The following PAM variants were observed in gnomAD, a reference collection of about 807,000 sequenced individuals.
PAM encodes peptidylglycine alpha-amidating monooxygenase.
Under a neutral mutation model 122.1 loss-of-function variants are expected in PAM, and 72 were observed. That is an observed-to-expected ratio of 0.59 (90% CI 0.49 to 0.72). The LOEUF is 0.72. Ranked by LOEUF, PAM falls within the 30% of genes least tolerant of loss-of-function variation. The probability of loss-of-function intolerance (pLI) is 0.00; values close to 1 mark genes in which losing one functional copy is unlikely to be tolerated. For missense variants in PAM, 1,106 were observed against 1,183.7 expected (o/e 0.93, Z 0.96); for synonymous variants, 389 against 404.4 (o/e 0.96, Z 0.46).
At position 102,900,094 on chromosome 5, in the gene PAM, A is replaced by G. The variant is rs549956741; in HGVS notation, c.211-1262A>G. On this transcript the variant is annotated intron_variant, in intron 3 of 25. Transcript: ENST00000438793. ...GCAAGCTTTCTGAAGTAACTGCTCT[A>G]AGAGAGGGTTTATGCTTGTTACCAG... 2.6e-5 allele frequency among the ~76,000 whole-genome samples: 4 copies of G among 151,590 alleles called. No homozygotes were observed. In the South Asian group the frequency reaches 6.2e-4, roughly 24 times the overall value.
chr5:102,986,959 A>G (rs1196985377), intron 15 of PAM, among the ~76,000 whole-genome samples: 4 of 152,160 alleles, frequency 2.6e-5, no homozygotes, highest in African/African-American at 4.8e-5. Flanking sequence ...CTTTTTCTTT[A>G]TAAATTACCC....
In PAM at chr5:102,854,101, G is replaced by A. The variant is rs151095453; in HGVS notation, c.-373-11722G>A. 2.8e-3 allele frequency among the ~76,000 whole-genome samples: 430 copies of A among 152,244 alleles called. 2 individuals are homozygous for A. Among genetic ancestry groups the A allele is most frequent in the African/African-American group, 9.3e-3 (386 of 41,540 alleles). ...CAACATGATGTGCAACACGTTCCTTGACTTCTGTGCCTCTATTTGCTCATC... is the reference window on the plus strand; with the variant it reads ...CAACATGATGTGCAACACGTTCCTTAACTTCTGTGCCTCTATTTGCTCATC... On this transcript the variant is annotated intron_variant, in intron 1 of 25. Coordinates refer to ENST00000438793, the MANE Select transcript of PAM (RefSeq NM_001177306.2).
At chr5:102,925,071 T>C (rs749543332) in intron 6 of PAM, 29 bp downstream of exon 6, 1 of 1,040,644 alleles carries the variant, frequency 9.6e-7, no homozygotes, top group Non-Finnish European at 1.5e-6. Context: ...GGTGGTCTTA[T>C]GTTCAGCTGC....
intron 1 of PAM, among the ~76,000 whole-genome samples, chr5:102,819,437 TTA>T (rs1265608768): frequency 1.3e-5 from 2 of 151,798 alleles, no homozygotes; most frequent in African/African-American, 4.8e-5. Context: ...ATTTATATAT[TTA>T]TATATGTTTA....
chr5:102,823,022 G>C (rs1772475747), intron 1 of PAM, among the ~76,000 whole-genome samples: 1 of 152,074 alleles, frequency 6.6e-6, no homozygotes, highest in Non-Finnish European at 1.5e-5. Context: ...TGGAAAATAA[G>C]TTTTATTTCG....
At chr5:102,925,659 T>G (rs1211575418) in intron 6 of PAM, among the ~76,000 whole-genome samples, 1 of 152,164 alleles carries the variant, frequency 6.6e-6, no homozygotes, top group African/African-American at 2.4e-5. Flanking sequence ...TCTGATTTCT[T>G]GCACTTCAAA....
chr5:103,028,640 G>T (rs904886588), intron 25 of PAM, among the ~76,000 whole-genome samples: 4 of 152,148 alleles, frequency 2.6e-5, no homozygotes, highest in African/African-American at 9.7e-5. Context: ...AAAGCAGGAG[G>T]TGAAAGTGAA....
At chr5:102,782,014 G>A (rs568563120) in intron 1 of PAM, among the ~76,000 whole-genome samples, 3 of 152,304 alleles carry the variant, frequency 2.0e-5, no homozygotes, top group East Asian at 1.9e-4. Flanking sequence ...GTCCACATCC[G>A]TGTTCTTGTC....
chr5:102,867,000 T>TA (rs1195296900), intron 2 of PAM, among the ~76,000 whole-genome samples: 1 of 152,210 alleles, frequency 6.6e-6, no homozygotes, highest in African/African-American at 2.4e-5. Context: ...AAATTTTCAA[T>TA]AAAAACAAGT....
chr5:102,919,790 C>T (rs966053058), intron 5 of PAM, among the ~76,000 whole-genome samples: 1 of 152,096 alleles, frequency 6.6e-6, no homozygotes, highest in African/African-American at 2.4e-5. Flanking sequence ...GTCTCTGATT[C>T]TAACTTCCAG....
intron 1 of PAM, among the ~76,000 whole-genome samples, chr5:102,756,098 G>A (rs764067219): frequency 6.6e-6 from 1 of 152,174 alleles, no homozygotes; most frequent in African/African-American, 2.4e-5. Context: ...ATATGCGTCA[G>A]CTCTGCCTGC....
intron 1 of PAM, among the ~76,000 whole-genome samples, chr5:102,810,906 G>A (rs918994190): frequency 3.3e-5 from 5 of 152,196 alleles, no homozygotes; most frequent in South Asian, 2.1e-4. Flanking sequence ...CATGGACTTG[G>A]AAATAAACAT....
rs1766890794 is a variant in PAM at position 102,974,304 on chromosome 5, G to A, written c.1351G>A (p.Ala451Thr). ...REGAEHERGN[A>T]ILVRDRIHKF... is the part of the protein sequence containing the mutation. Reference sequence around the variant, plus strand: ...GGGTGCAGAACATGAGAGGGGTAATGCTATTCTTGTCAGAGACAGAATTCA... The same window carrying A: ...GGGTGCAGAACATGAGAGGGGTAATACTATTCTTGTCAGAGACAGAATTCA... Residue 451 changes from alanine to threonine, a missense_variant, in exon 15 of 26, where the codon GCT becomes ACT. Ala to Thr is a moderately conservative substitution (Grantham distance 58, BLOSUM62 0). This residue lies in a region of PAM where 670 missense variants were observed against 690.3 expected (regional missense o/e 0.97). Transcript: ENST00000438793. 1.2e-6 allele frequency: 2 copies of A among 1,613,886 alleles called. No homozygotes were observed. Among genetic ancestry groups the A allele is most frequent in the African/African-American group, 1.3e-5 (1 of 74,912 alleles).
intron 4 of PAM, among the ~76,000 whole-genome samples, chr5:102,902,941 T>C (rs1798424117): frequency 6.6e-6 from 1 of 151,510 alleles, no homozygotes; most frequent in Non-Finnish European, 1.5e-5. Flanking sequence ...TATAAATATA[T>C]ATCCTGTGTG....
At chr5:102,882,054 T>C (rs1269699174) in intron 3 of PAM, among the ~76,000 whole-genome samples, 1 of 1,646 alleles carries the variant, frequency 6.1e-4, no homozygotes, top group Admixed American at 4.6e-3. Flanking sequence ...CATCGTGGAA[T>C]ATATATATAT....
chr5:103,017,557 G>A (rs1370652347), intron 22 of PAM, 124 bp downstream of exon 22: 3 of 670,922 alleles, frequency 4.5e-6, no homozygotes, highest in South Asian at 2.0e-5. Flanking sequence ...AAAGTATAAA[G>A]CAGTTGTTAA....
At chr5:102,939,704 A>G (rs1427721555) in intron 7 of PAM, among the ~76,000 whole-genome samples, 1 of 152,128 alleles carries the variant, frequency 6.6e-6, no homozygotes, top group African/African-American at 2.4e-5. Context: ...ATACTAAATC[A>G]AATGTATGAG....
chr5:103,030,582 G>C (rs1562304619), downstream of PAM: 1 of 152,106 alleles, frequency 6.6e-6, no homozygotes, highest in Admixed American at 6.5e-5. Flanking sequence ...TGCCAACCTG[G>C]GTTAATTAAA....
chr5:102,988,635 AAAG>A (rs200819921), intron 15 of PAM, among the ~76,000 whole-genome samples: 360 of 143,192 alleles, frequency 2.5e-3, no homozygotes, highest in African/African-American at 7.8e-3. Flanking sequence ...AAGGGAAAAA[AAAG>A]AAGGAAAGGA....
Sources: gnomAD v4.1 joint callset for allele counts (sites outside exome capture counted in the v4.1 genomes callset) on GRCh38, gnomAD v4.1.1 for gene constraint, gnomAD v4.1.1 regional missense constraint, MANE v1.5 for transcripts, NCBI Gene and HGNC (gene_info 2026-07-23, HGNC 2026-07-21) for gene names.